The following NGEF variants were observed in gnomAD, a reference collection of about 807,000 sequenced individuals.
NGEF encodes neuronal guanine nucleotide exchange factor.
Under a neutral mutation model 80.9 loss-of-function variants are expected in NGEF, and 31 were observed. The ratio of observed to expected loss-of-function variants is 0.38; its 90% CI spans 0.29 to 0.52. The LOEUF (loss-of-function observed/expected upper bound fraction) is 0.52. Among genes scored for constraint, NGEF ranks in the 20% least tolerant of loss-of-function variants. The pLI, the probability that NGEF is intolerant of heterozygous loss-of-function variation, is 0.84. For synonymous variants in NGEF, 371 were observed against 370.2 expected, an observed-to-expected ratio of 1.00 and a Z score of -0.03; for missense variants, 709 against 926.2, an observed-to-expected ratio of 0.77 and a Z score of 3.04.
intron 5 of NGEF, among the ~76,000 whole-genome samples, chr2:232,903,780 T>C (rs1453446630): frequency 6.6e-6 from 1 of 152,210 alleles, no homozygotes; most frequent in South Asian, 2.1e-4. Context: ...CAGAAAAATA[T>C]ATAATTCAGT....
At chr2:232,939,760 G>A (rs1273024895) in intron 3 of NGEF, among the ~76,000 whole-genome samples, 1 of 152,182 alleles carries the variant, frequency 6.6e-6, no homozygotes, top group Non-Finnish European at 1.5e-5. Flanking sequence ...CACTTTGGGA[G>A]AATGAGGCAG....
At position 232,879,212 on chromosome 2, in the gene NGEF, C is replaced by T. The variant is rs1691400479; in HGVS notation, c.*277G>A. The T allele has an allele frequency of 2.8e-6, 1 of 351,516 alleles. No homozygotes were observed. The highest frequency in any genetic ancestry group is 4.7e-5 in the East Asian group (1 of 21,418). 21.8% of individuals were successfully genotyped at this position (351,516 alleles called of 1,614,324 possible). On this transcript the variant is annotated 3_prime_UTR_variant, in exon 15 of 15. Coordinates refer to ENST00000264051, the MANE Select transcript of NGEF (RefSeq NM_019850.3). Reference sequence around the variant, plus strand: ...GCCCTGGAGTGTGCCCACCCCCTTCCACCCCCTCGGAGGCATGAGGGAGGT... The same window carrying T: ...GCCCTGGAGTGTGCCCACCCCCTTCTACCCCCTCGGAGGCATGAGGGAGGT...
chr2:232,920,545 T>C lies in NGEF; in HGVS notation c.567A>G (p.Gln189=). 6.5e-7 allele frequency: 1 copy of C among 1,547,806 alleles called. No homozygotes were observed. The highest frequency in any genetic ancestry group is 1.4e-5 in the African/African-American group (1 of 72,666). The change falls in exon 5 of 15, where the codon CAA becomes CAG. Residue 189 remains glutamine, a synonymous_variant. Transcript: ENST00000264051. ...YQEYRDKSTL[Q]EIETRRQQDA... Reference sequence around the variant, plus strand: ...CCTGTTGCCTCCTGGTTTCGATTTCTTGGAGAGTCGATTTATCTCGGTATT... The same window carrying C: ...CCTGTTGCCTCCTGGTTTCGATTTCCTGGAGAGTCGATTTATCTCGGTATT...
intron 5 of NGEF, among the ~76,000 whole-genome samples, chr2:232,919,037 A>G (rs1038899710): frequency 2.2e-4 from 33 of 152,114 alleles, no homozygotes; most frequent in African/African-American, 8.0e-4. Context: ...CATTTTCCAT[A>G]CTCTACTGGG....
At chr2:232,951,024 T>G (rs963386589) in intron 3 of NGEF, among the ~76,000 whole-genome samples, 11 of 152,212 alleles carry the variant, frequency 7.2e-5, no homozygotes, top group African/African-American at 2.7e-4. Flanking sequence ...GCGTCCGGCA[T>G]GCGGCTGGCT....
chr2:232,970,960 T>G (rs1478120600), intron 2 of NGEF, among the ~76,000 whole-genome samples: 1 of 152,260 alleles, frequency 6.6e-6, no homozygotes, highest in Non-Finnish European at 1.5e-5. Context: ...GTGTTATTTC[T>G]ACTGGTCAAA....
intron 5 of NGEF, among the ~76,000 whole-genome samples, chr2:232,899,055 G>C (rs1054959556): frequency 4.6e-4 from 69 of 149,306 alleles, no homozygotes; most frequent in Non-Finnish European, 8.1e-4. Flanking sequence ...TGGATGTGTG[G>C]ATGTGTGTGT....
intron 4 of NGEF, among the ~76,000 whole-genome samples, chr2:232,926,068 G>A (rs531056060): frequency 8.7e-4 from 133 of 152,292 alleles, no homozygotes; most frequent in Middle Eastern, 3.4e-3. Flanking sequence ...TCCCAAGCAC[G>A]GGGTCTCCGG....
chr2:232,910,561 G>A lies in NGEF; in HGVS notation c.828+9723C>T, dbSNP rs137886364. On this transcript the variant is annotated intron_variant, in intron 5 of 14. Coordinates refer to ENST00000264051, the MANE Select transcript of NGEF (RefSeq NM_019850.3). ...ATTGTCCAGCCCCAAAGTCAACAGC[G>A]CCACTGATGAGACACTGCTACGGGG... 5.3e-3 allele frequency among the ~76,000 whole-genome samples: 812 copies of A among 152,242 alleles called. 5 individuals carry two copies. The highest frequency in any genetic ancestry group is 0.018 in the African/African-American group (735 of 41,520).
At chr2:232,980,156 CTG>C (rs1022925021) in intron 1 of NGEF, among the ~76,000 whole-genome samples, 11 of 152,158 alleles carry the variant, frequency 7.2e-5, no homozygotes, top group South Asian at 2.1e-4. Context: ...TTGGCTGTCT[CTG>C]TGTTAGTTGT....
rs1176714112 is a variant in NGEF at position 232,906,216 on chromosome 2, TGG to T, written c.829-11302_829-11301del. Among the ~76,000 whole-genome samples the T allele has an allele frequency of 6.3e-3, 33 of 5,268 alleles. 1 individual carries two copies. The highest frequency in any genetic ancestry group is 0.017 in the East Asian group (3 of 180). The allele number at this position is 5,268 out of a possible 152,430, so 3.5% of individuals were successfully genotyped here. On this transcript the variant is annotated intron_variant, in intron 5 of 14. Transcript: ENST00000264051. ...CCAGCCGCCCCGTCCGGGAAGGAGG[TGG>T]GGGGGGGTCAGCCCCCCGCCCGGCC... is the stretch of plus-strand genomic sequence containing the variant.
chr2:232,879,614 C>T lies in NGEF; in HGVS notation c.2008G>A (p.Glu670Lys). Residue 670 changes from glutamate (E) to lysine (K), a missense_variant, in exon 15 of 15, where the codon GAG becomes AAG. Glu to Lys is a moderately conservative substitution (Grantham distance 56). Coordinates refer to ENST00000264051, the MANE Select transcript of NGEF (RefSeq NM_019850.3). ...RGWFPSSMTE[E>K]ILNPKIRSQN... The stretch of plus-strand genomic sequence containing the variant: ...GACCGGATCTTGGGATTCAAGATCT[C>T]CTCAGTCATGGAGCTGGGGAACCAG... 6.2e-7 allele frequency: 1 copy of T among 1,613,672 alleles called. No homozygotes were observed. The highest frequency in any genetic ancestry group is 8.5e-7 in the Non-Finnish European group (1 of 1,179,976).
rs1574985163 is a variant in NGEF, at chr2:232,884,665, C to CA, written c.1438-522dup. Among the ~76,000 whole-genome samples, 3 of 152,330 alleles carry CA rather than the reference C, an allele frequency of 2.0e-5. No individual in the cohort carries two copies. In the East Asian group the frequency reaches 5.8e-4, roughly 29 times the overall value. Reference sequence around the variant, plus strand: ...GGCCTGCAGCTGAACGGCCGCCTGGCAGACGATGCAACTCAGGGGCAGGCG... The same window carrying CA: ...GGCCTGCAGCTGAACGGCCGCCTGGCAAGACGATGCAACTCAGGGGCAGGCG... On this transcript the variant is annotated intron_variant, in intron 10 of 14. Transcript: ENST00000264051.
intron 3 of NGEF, among the ~76,000 whole-genome samples, chr2:232,940,980 G>T (rs977662915): frequency 6.6e-6 from 1 of 152,174 alleles, no homozygotes; most frequent in East Asian, 1.9e-4. Context: ...AATTCACGCA[G>T]AGCTGGGCTG....
intron 1 of NGEF, among the ~76,000 whole-genome samples, chr2:233,001,752 G>A (rs979272022): frequency 3.3e-5 from 5 of 151,904 alleles, no homozygotes; most frequent in East Asian, 3.9e-4. Context: ...GGTGGCGTGC[G>A]CCTGTAATCC....
chr2:232,967,706 GGTGTGTGTGTGT>G (rs10686172), intron 3 of NGEF, among the ~76,000 whole-genome samples: 1 of 148,344 alleles, frequency 6.7e-6, no homozygotes, highest in Non-Finnish European at 1.5e-5. Context: ...ATAAAATAGG[GGTGTGTGTGTGT>G]GTGTGTGTGT....
intron 3 of NGEF, among the ~76,000 whole-genome samples, chr2:232,949,525 T>G (rs1693632507): frequency 2.0e-5 from 3 of 151,780 alleles, no homozygotes. Flanking sequence ...TTGCCCAAGC[T>G]GGAGTGCAGT....
intron 12 of NGEF, among the ~76,000 whole-genome samples, 194 bp downstream of exon 12, chr2:232,883,117 C>T (rs1691569021): frequency 6.6e-6 from 1 of 152,132 alleles, no homozygotes; most frequent in Admixed American, 6.5e-5. Flanking sequence ...GTACACGCAT[C>T]CAGGAACCTG....
intron 3 of NGEF, among the ~76,000 whole-genome samples, chr2:232,959,356 T>C (rs1356557424): frequency 2.6e-5 from 4 of 152,184 alleles, no homozygotes; most frequent in African/African-American, 9.7e-5. Context: ...TTTTACCCAG[T>C]GCTTGTCCCT....
Sources: gnomAD v4.1 joint callset for allele counts (sites outside exome capture counted in the v4.1 genomes callset) on GRCh38, gnomAD v4.1.1 for gene constraint, MANE v1.5 for transcripts, NCBI Gene and HGNC (gene_info 2026-07-23, HGNC 2026-07-21) for gene names.